Variants in UPF2 observed in about 807,000 individuals in gnomAD.
The protein encoded by UPF2 is UPF2 regulator of nonsense mediated mRNA decay.
Under a neutral mutation model 141.4 loss-of-function variants are expected in UPF2, and 17 were observed. The observed-to-expected ratio is 0.12, with a 90% confidence interval of 0.08 to 0.18. The LOEUF is 0.18. Ranked by LOEUF, UPF2 falls within the 10% of genes least tolerant of loss-of-function variation. The pLI is 1.00. For missense variants in UPF2, 1,152 were observed against 1,515.9 expected (o/e 0.76, Z 3.99); for synonymous variants, 540 against 498.0 (o/e 1.08, Z -1.12).
intron 12 of UPF2, among the ~76,000 whole-genome samples, chr10:11,957,241 C>T (rs551260071): frequency 6.6e-5 from 10 of 151,968 alleles, no homozygotes; most frequent in African/African-American, 2.4e-4. Context: ...CTAGCCTGGC[C>T]AACATGGCAA....
At chr10:11,991,438 T>A (rs560176862) in intron 8 of UPF2, among the ~76,000 whole-genome samples, 1 of 152,168 alleles carries the variant, frequency 6.6e-6, no homozygotes, top group African/African-American at 2.4e-5. Context: ...TTTAAATATA[T>A]TTGAGGAAAT....
rs200924305 is a variant in UPF2 at position 12,035,386 on chromosome 10, T to C, written c.38A>G (p.Glu13Gly). The C allele has an allele frequency of 1.3e-6, 2 of 1,594,024 alleles. No individual in the cohort carries two copies. Among genetic ancestry groups the C allele is most frequent in the East Asian group, 4.5e-5 (2 of 44,718 alleles). ...CTTGTTGTTTGGTAAAGAGTCTTTT[T>C]CTTCCATACTTGCTGGCTTTTTACG... ...AERKKPASME[E>G]KDSLPNNKEK... is the part of the protein sequence containing the mutation. The change falls in exon 2 of 22, where the codon GAA becomes GGA. Residue 13 changes from glutamate (E) to glycine (G), a missense_variant. Coordinates refer to ENST00000357604, the MANE Select transcript of UPF2 (RefSeq NM_015542.4).
Position 11,992,597 on chromosome 10 carries a change from T to TA in UPF2, c.1844+5074dup, listed in dbSNP as rs1307909166. 6.6e-6 allele frequency among the ~76,000 whole-genome samples: 1 copy of TA among 151,906 alleles called. No homozygotes were observed. Among genetic ancestry groups the TA allele is most frequent in the Non-Finnish European group, 1.5e-5 (1 of 67,952 alleles). Reference sequence around the variant, plus strand: ...CATGCGTGCACACTAAATTAAAAAATATAAAAGACCACATAATGAAAGACT... The same window carrying TA: ...CATGCGTGCACACTAAATTAAAAAATAATAAAAGACCACATAATGAAAGACT... On this transcript the variant is annotated intron_variant, in intron 8 of 21. Coordinates refer to ENST00000357604, the MANE Select transcript of UPF2 (RefSeq NM_015542.4). The surrounding 1 kb of genome is among the most constrained non-coding windows in gnomAD (Gnocchi z 4.1).
chr10:12,025,977 A>T (rs1333317880), intron 3 of UPF2, among the ~76,000 whole-genome samples: 2 of 152,078 alleles, frequency 1.3e-5, no homozygotes, highest in Non-Finnish European at 1.5e-5. Context: ...TATTTTTTGT[A>T]GCAATGGGGT....
chr10:11,996,614 G>T (rs1833868755), intron 8 of UPF2, among the ~76,000 whole-genome samples: 1 of 152,128 alleles, frequency 6.6e-6, no homozygotes, highest in African/African-American at 2.4e-5. Context: ...AAGGTGCTGG[G>T]ATTACAGGCC....
At chr10:11,922,551 A>G (rs1832659053) in intron 21 of UPF2, among the ~76,000 whole-genome samples, 1 of 152,216 alleles carries the variant, frequency 6.6e-6, no homozygotes, top group Non-Finnish European at 1.5e-5. Context: ...GACAGGAAAA[A>G]AATGTTCAAA....
Position 11,921,855 on chromosome 10 carries a change from T to C in UPF2, c.3810-548A>G, listed in dbSNP as rs1480895247. ...TGCTAAGAATTCACAGTTTGTGTTA[T>C]GGTTCAGTTGTGTATCCCCAAAATT... On this transcript the variant is annotated intron_variant, in intron 21 of 21. Coordinates refer to ENST00000357604, the MANE Select transcript of UPF2 (RefSeq NM_015542.4). The surrounding 1 kb of genome is among the most constrained non-coding windows in gnomAD (Gnocchi z 5.9). Among the ~76,000 whole-genome samples the C allele has an allele frequency of 6.6e-6, 1 of 152,178 alleles. No homozygotes were observed. Among genetic ancestry groups the C allele is most frequent in the South Asian group, 2.1e-4 (1 of 4,836 alleles).
chr10:11,967,222 C>G (rs1292771658), intron 10 of UPF2, 119 bp downstream of exon 10: 1 of 580,024 alleles, frequency 1.7e-6, no homozygotes, highest in Non-Finnish European at 2.7e-6. Context: ...GTTACTTTTT[C>G]TTCCTTTCTT....
chr10:12,036,903 T>C (rs1241749003), intron 1 of UPF2, among the ~76,000 whole-genome samples: 1 of 152,122 alleles, frequency 6.6e-6, no homozygotes, highest in East Asian at 1.9e-4. Flanking sequence ...CGCATGCCTG[T>C]AATCCCAGCT....
chr10:11,922,062 G>A (rs1010096881), intron 21 of UPF2, among the ~76,000 whole-genome samples: 2 of 152,144 alleles, frequency 1.3e-5, no homozygotes, highest in African/African-American at 2.4e-5. Context: ...AAAAGGCCAC[G>A]TGAAGACAAA....
chr10:11,953,658 T>C lies in UPF2; in HGVS notation c.2851-1409A>G, dbSNP rs914827617. 6.6e-6 allele frequency among the ~76,000 whole-genome samples: 1 copy of C among 152,256 alleles called. No homozygotes were observed. Among genetic ancestry groups the C allele is most frequent in the African/African-American group, 2.4e-5 (1 of 41,470 alleles). ...AGAGATTCTACTTTGGATGCTGTTATAGCTGCCATTTTGCAGCAAAACTCT... is the reference window on the plus strand; with the variant it reads ...AGAGATTCTACTTTGGATGCTGTTACAGCTGCCATTTTGCAGCAAAACTCT... On this transcript the variant is annotated intron_variant, in intron 14 of 21. Transcript: ENST00000357604. The surrounding 1 kb of genome is among the most constrained non-coding windows in gnomAD (Gnocchi z 5.0).
intron 1 of UPF2, 67 bp from the exon 2 acceptor site, chr10:12,035,508 T>C: frequency 6.9e-7 from 1 of 1,449,780 alleles, no homozygotes; most frequent in Non-Finnish European, 9.0e-7. Flanking sequence ...CACACTATTT[T>C]TTTAAACAGA....
intron 1 of UPF2, among the ~76,000 whole-genome samples, chr10:12,038,158 G>A (rs1047692028): frequency 3.9e-5 from 6 of 151,912 alleles, no homozygotes; most frequent in African/African-American, 7.3e-5. Flanking sequence ...CAAGGTGGGC[G>A]GATCACCTGA....
chr10:12,040,512 T>C (rs1202311049), intron 1 of UPF2, among the ~76,000 whole-genome samples: 1 of 152,140 alleles, frequency 6.6e-6, no homozygotes, highest in Non-Finnish European at 1.5e-5. Context: ...AACCCTTAAG[T>C]CCTGATACTG....
intron 3 of UPF2, among the ~76,000 whole-genome samples, chr10:12,015,798 G>C (rs1345693900): frequency 6.6e-6 from 1 of 152,170 alleles, no homozygotes; most frequent in Non-Finnish European, 1.5e-5. Flanking sequence ...TCAGTGCATA[G>C]ATTCATGAAA....
intron 1 of UPF2, among the ~76,000 whole-genome samples, chr10:12,038,918 C>T (rs1834684705): frequency 6.6e-6 from 1 of 151,200 alleles, no homozygotes; most frequent in Non-Finnish European, 1.5e-5. Context: ...CCTCCCGCCT[C>T]GGCCTTCCAA....
At chr10:12,035,020 C>T in intron 2 of UPF2, 39 bp downstream of exon 2, 1 of 1,517,424 alleles carries the variant, frequency 6.6e-7, no homozygotes, top group Non-Finnish European at 8.7e-7. Context: ...TCCAATCTTC[C>T]CATTCCCTCA....
chr10:11,997,032 TCTC>T (rs1180100539), intron 8 of UPF2, among the ~76,000 whole-genome samples: 7 of 152,190 alleles, frequency 4.6e-5, no homozygotes, highest in Admixed American at 2.6e-4. Flanking sequence ...CAGAAATAGA[TCTC>T]CTCCAGGATT....
At chr10:11,985,391 A>C (rs1833670672) in intron 8 of UPF2, among the ~76,000 whole-genome samples, 1 of 152,260 alleles carries the variant, frequency 6.6e-6, no homozygotes, top group Non-Finnish European at 1.5e-5. Flanking sequence ...TAATCCCAGC[A>C]CTTTGGGAGG....
Sources: allele counts gnomAD v4.1 joint callset (sites outside exome capture counted in the v4.1 genomes callset), GRCh38; gene constraint gnomAD v4.1.1; non-coding constraint Gnocchi (gnomAD v3.1); transcripts MANE v1.5; gene names NCBI Gene and HGNC (gene_info 2026-07-23, HGNC 2026-07-21).